Variants in EIF4B observed in about 807,000 individuals in gnomAD.
EIF4B encodes eukaryotic translation initiation factor 4B.
Under a neutral mutation model 79.3 loss-of-function variants are expected in EIF4B, and 8 were observed. The ratio of observed to expected loss-of-function variants is 0.10; its 90% CI spans 0.06 to 0.18. The LOEUF is 0.18. EIF4B is among the 10% of genes least tolerant of loss of function. EIF4B has a pLI of 1.00. For synonymous variants in EIF4B, 238 were observed against 274.7 expected, an observed-to-expected ratio of 0.87 and a Z score of 1.32; for missense variants, 515 against 792.4, an observed-to-expected ratio of 0.65 and a Z score of 4.20.
chr12:53,030,097 C>T (rs1459963116), intron 8 of EIF4B, among the ~76,000 whole-genome samples: 2 of 115,090 alleles, frequency 1.7e-5, no homozygotes, highest in Admixed American at 1.1e-4. Flanking sequence ...TAGCATGTGC[C>T]TGTAGTCCCC....
intron 1 of EIF4B, chr12:53,012,420 G>C (rs1435417589): frequency 6.6e-6 from 1 of 151,636 alleles, no homozygotes; most frequent in Non-Finnish European, 1.5e-5. Context: ...CAGGTGTGGT[G>C]GTGCATGCCG....
At chr12:53,021,593 T>C (rs1943247528) in intron 4 of EIF4B, 2 of 648,004 alleles carry the variant, frequency 3.1e-6, no homozygotes, top group Admixed American at 4.9e-5. Flanking sequence ...AATAGTATAA[T>C]TGACCTAATA....
At chr12:53,007,377 C>T (rs977275266) in intron 1 of EIF4B, among the ~76,000 whole-genome samples, 2 of 147,514 alleles carry the variant, frequency 1.4e-5, no homozygotes, top group African/African-American at 5.0e-5. Flanking sequence ...TCCGGCGCTT[C>T]CATGTTGGTT....
At chr12:53,035,865 T>C (rs909405863) in intron 10 of EIF4B, among the ~76,000 whole-genome samples, 2 of 152,196 alleles carry the variant, frequency 1.3e-5, no homozygotes, top group African/African-American at 4.8e-5. Context: ...GTTACCAGGC[T>C]GGAGTGCAGT....
intron 1 of EIF4B, among the ~76,000 whole-genome samples, chr12:53,010,442 A>G (rs1402834165): frequency 1.3e-5 from 2 of 152,158 alleles, no homozygotes; most frequent in Non-Finnish European, 2.9e-5. Context: ...GTCTCATCAT[A>G]AGTCAGGGAG....
At chr12:53,035,435 C>G (rs989955844) in intron 10 of EIF4B, among the ~76,000 whole-genome samples, 1 of 150,048 alleles carries the variant, frequency 6.7e-6, no homozygotes, top group Non-Finnish European at 1.5e-5. Context: ...GTGGCGCGAT[C>G]TCGGCTTACT....
chr12:53,018,581 GAAT>G (rs1464034637), intron 2 of EIF4B, among the ~76,000 whole-genome samples: 2 of 152,112 alleles, frequency 1.3e-5, no homozygotes, highest in Non-Finnish European at 2.9e-5. Context: ...TGTATTTATG[GAAT>G]AATATTTCTT....
intron 3 of EIF4B, among the ~76,000 whole-genome samples, chr12:53,019,288 A>G (rs1490425304): frequency 6.6e-6 from 1 of 151,976 alleles, no homozygotes; most frequent in Non-Finnish European, 1.5e-5. Flanking sequence ...AATCCCAGCT[A>G]CTTGGGAGGC....
At chr12:53,029,763 A>G (rs1182230745) in intron 8 of EIF4B, among the ~76,000 whole-genome samples, 1 of 152,180 alleles carries the variant, frequency 6.6e-6, no homozygotes, top group East Asian at 1.9e-4. Flanking sequence ...TCCCCAAGAA[A>G]GGAAAATCGA....
At chr12:53,020,539 C>T (rs1398471710) in intron 4 of EIF4B, among the ~76,000 whole-genome samples, 1 of 152,106 alleles carries the variant, frequency 6.6e-6, no homozygotes, top group Non-Finnish European at 1.5e-5. Context: ...GTCAACACTG[C>T]CCACAAAGGT....
chr12:53,023,798 G>A (rs545110718), intron 6 of EIF4B, among the ~76,000 whole-genome samples: 47 of 149,034 alleles, frequency 3.2e-4, no homozygotes, highest in African/African-American at 1.0e-3. Flanking sequence ...GGTCAGGCTG[G>A]TCTCGAACTC....
intron 8 of EIF4B, among the ~76,000 whole-genome samples, chr12:53,028,608 G>C (rs1943380929): frequency 6.6e-6 from 1 of 151,326 alleles, no homozygotes; most frequent in African/African-American, 2.4e-5. Context: ...AAACACAGCA[G>C]TCGAATTGTT....
At chr12:53,010,366 G>T (rs1032178393) in intron 1 of EIF4B, among the ~76,000 whole-genome samples, 4 of 152,136 alleles carry the variant, frequency 2.6e-5, no homozygotes, top group Non-Finnish European at 4.4e-5. Flanking sequence ...GGATCTTTTT[G>T]ACTTTACAAT....
At chr12:53,028,693 G>T (rs1943382270) in intron 8 of EIF4B, among the ~76,000 whole-genome samples, 1 of 152,006 alleles carries the variant, frequency 6.6e-6, no homozygotes, top group South Asian at 2.1e-4. Context: ...GGAAAAAAAA[G>T]TTGCCAGATA....
intron 11 of EIF4B, 137 bp downstream of exon 11, chr12:53,037,759 T>C: frequency 1.1e-6 from 1 of 944,780 alleles, no homozygotes. Context: ...CTTAGTGTGC[T>C]GGAACTGGCT....
At chr12:53,018,636 C>T in intron 2 of EIF4B, 162 bp from the exon 3 acceptor site, 1 of 631,996 alleles carries the variant, frequency 1.6e-6, no homozygotes, top group South Asian at 2.0e-5. Flanking sequence ...ATCTCAGAAG[C>T]TTCTCTTCGT....
At position 53,016,311 on chromosome 12, in the gene EIF4B, A is replaced by G. The variant is rs7964909; in HGVS notation, c.14-162A>G. Among the ~76,000 whole-genome samples, 864 of 152,282 alleles carry G rather than the reference A, an allele frequency of 5.7e-3. 10 individuals are homozygous for G. The highest frequency in any genetic ancestry group is 0.02 in the African/African-American group (824 of 41,554). On this transcript the variant is annotated intron_variant, in intron 1 of 14. Transcript: ENST00000262056. ...GTATTCTGCAACTTTTAAATTTCTT[A>G]TTTATGTCTGCATAGTACCCCTTCA...
chr12:53,040,078 G>A (rs1218563254), intron 14 of EIF4B, 65 bp from the exon 15 acceptor site: 4 of 1,571,298 alleles, frequency 2.5e-6, no homozygotes, highest in Non-Finnish European at 8.8e-7. Context: ...TCAGTATCCT[G>A]TGTCTTGGGT....
intron 8 of EIF4B, among the ~76,000 whole-genome samples, chr12:53,031,557 G>A (rs570973574): frequency 1.3e-5 from 2 of 152,202 alleles, no homozygotes; most frequent in African/African-American, 4.8e-5. Flanking sequence ...GATTACAGGC[G>A]TGAGCCACTG....
Sources: allele counts gnomAD v4.1 joint callset (sites outside exome capture counted in the v4.1 genomes callset), GRCh38; gene constraint gnomAD v4.1.1; transcripts MANE v1.5; gene names NCBI Gene and HGNC (gene_info 2026-07-23, HGNC 2026-07-21).